SENP7: variants seen among roughly 807,000 people sequenced by gnomAD.
The protein encoded by SENP7 is sentrin-specific protease 7.
A neutral mutation model predicts 141.2 loss-of-function variants in SENP7; 64 were observed. The observed-to-expected ratio is 0.45, with a 90% CI of 0.37 to 0.56. The LOEUF (loss-of-function observed/expected upper bound fraction) is 0.56. Among genes scored for constraint, SENP7 ranks in the 20% least tolerant of loss-of-function variants. The pLI is 0.00. For synonymous variants in SENP7, 382 were observed against 426.4 expected, an observed-to-expected ratio of 0.90 and a Z score of 1.28; for missense variants, 1,025 against 1,212.2, an observed-to-expected ratio of 0.85 and a Z score of 2.29.
At chr3:101,489,263 T>C (rs143057883) in intron 3 of SENP7, among the ~76,000 whole-genome samples, 47 of 152,296 alleles carry the variant, frequency 3.1e-4, no homozygotes, top group African/African-American at 1.0e-3. Flanking sequence ...CAGTCAAGTC[T>C]ATACAACAAC....
In SENP7 at chr3:101,341,798, A is replaced by G. The variant is rs776825256; in HGVS notation, c.2107-19T>C. On this transcript the variant is annotated intron_variant, in intron 14 of 23. Transcript: ENST00000394095. Reference sequence around the variant, plus strand: ...TTGAGGGCTGACAGAAAGTGGCAAGAAAAAGGGTCTCAAACATCATAACTT... The same window carrying G: ...TTGAGGGCTGACAGAAAGTGGCAAGGAAAAGGGTCTCAAACATCATAACTT... The G allele has an allele frequency of 4.5e-6, 7 of 1,564,428 alleles. No homozygotes were observed. The highest frequency in any genetic ancestry group is 2.3e-5 in the East Asian group (1 of 43,990).
chr3:101,414,535 C>T (rs2061551835), intron 5 of SENP7: 8 of 1,596,710 alleles, frequency 5.0e-6, no homozygotes, highest in Non-Finnish European at 6.9e-6. Flanking sequence ...GAAGCAGCAG[C>T]TGGACGGTTG....
intron 4 of SENP7, among the ~76,000 whole-genome samples, chr3:101,449,867 T>A (rs978066602): frequency 1.8e-4 from 28 of 152,126 alleles, no homozygotes; most frequent in African/African-American, 6.0e-4. Context: ...CACATAACAA[T>A]ATTAACCTTA....
chr3:101,492,974 C>T (rs1220098196), intron 3 of SENP7, among the ~76,000 whole-genome samples: 1 of 152,162 alleles, frequency 6.6e-6, no homozygotes, highest in Non-Finnish European at 1.5e-5. Flanking sequence ...GTGAGCAACA[C>T]AGACCCTGAC....
At chr3:101,485,975 A>G (rs1458092158) in intron 3 of SENP7, among the ~76,000 whole-genome samples, 1 of 152,208 alleles carries the variant, frequency 6.6e-6, no homozygotes. Flanking sequence ...AATGCTCTGG[A>G]AAGTCTCAGC....
chr3:101,337,675 T>C lies in SENP7; in HGVS notation c.2358-44A>G, dbSNP rs1435835152. 3 of 1,452,774 alleles carry C rather than the reference T, an allele frequency of 2.1e-6. No homozygotes were observed. The African/African-American group carries it at 4.4e-5, about 21-fold the overall frequency. 90.0% of individuals were successfully genotyped at this position (1,452,774 alleles called of 1,614,324 possible). On this transcript the variant is annotated intron_variant, in intron 16 of 23. Coordinates refer to ENST00000394095, the MANE Select transcript of SENP7 (RefSeq NM_020654.5). ...ACAAAAGTAAATTATTTTTAGATTT[T>C]ACTTGGTCGTCCCCCAGTTGTCTTA...
At chr3:101,387,297 G>C (rs1012657283) in intron 6 of SENP7, among the ~76,000 whole-genome samples, 9 of 152,074 alleles carry the variant, frequency 5.9e-5, no homozygotes, top group Non-Finnish European at 1.2e-4. Context: ...TGAGAGGCCT[G>C]ACAATAGGCC....
chr3:101,441,348 G>A (rs1344723815), intron 4 of SENP7, among the ~76,000 whole-genome samples: 2 of 152,012 alleles, frequency 1.3e-5, no homozygotes, highest in African/African-American at 2.4e-5. Context: ...CCAAGGACAG[G>A]TGCACCCTGC....
chr3:101,394,113 C>T (rs1178162030), intron 6 of SENP7, among the ~76,000 whole-genome samples: 1 of 152,166 alleles, frequency 6.6e-6, no homozygotes, highest in African/African-American at 2.4e-5. Flanking sequence ...ACCACACATA[C>T]ACTTCCCAGC....
rs547676779 is a variant in SENP7 at position 101,435,083 on chromosome 3, G to A, written c.285-17293C>T. 5.3e-5 allele frequency among the ~76,000 whole-genome samples: 8 copies of A among 152,050 alleles called. No homozygotes were observed. The South Asian group carries it at 1.0e-3, about 20-fold the overall frequency. The stretch of plus-strand genomic sequence containing the variant: ...ACAGCTCATTCATCATAACCATGTG[G>A]GATTTATCCCTATGATGCAAAGATG... On this transcript the variant is annotated intron_variant, in intron 4 of 23. Transcript: ENST00000394095.
intron 1 of SENP7, among the ~76,000 whole-genome samples, chr3:101,505,978 A>G (rs1181484885): frequency 6.6e-6 from 1 of 152,036 alleles, no homozygotes; most frequent in African/African-American, 2.4e-5. Context: ...TCAAAAAACT[A>G]AAAGCATAAC....
chr3:101,376,307 C>G (rs553511737), intron 6 of SENP7, among the ~76,000 whole-genome samples: 15 of 152,134 alleles, frequency 9.9e-5, no homozygotes, highest in South Asian at 2.1e-4. Flanking sequence ...TGTGACTGTA[C>G]TTAATGGCAG....
At chr3:101,506,020 A>ATTTTT (rs61021808) in intron 1 of SENP7, among the ~76,000 whole-genome samples, 6 of 141,198 alleles carry the variant, frequency 4.2e-5, no homozygotes, top group Non-Finnish European at 6.1e-5. Flanking sequence ...TTATTCCATA[A>ATTTTT]TTTTTTTTTT....
At chr3:101,483,659 G>C (rs1365663418) in intron 3 of SENP7, among the ~76,000 whole-genome samples, 1 of 152,164 alleles carries the variant, frequency 6.6e-6, no homozygotes, top group Admixed American at 6.5e-5. Flanking sequence ...AACAAACTGT[G>C]CTAGAGCAAC....
At chr3:101,452,057 T>C (rs2063159624) in intron 4 of SENP7, among the ~76,000 whole-genome samples, 1 of 152,232 alleles carries the variant, frequency 6.6e-6, no homozygotes, top group South Asian at 2.1e-4. Flanking sequence ...ACAAGCATTC[T>C]TATACACCAA....
rs143244120 is a variant in SENP7 at position 101,478,214 on chromosome 3, C to T, written c.186+15659G>A. Among the ~76,000 whole-genome samples the T allele has an allele frequency of 9.6e-3, 1,463 of 152,144 alleles. 9 individuals carry two copies. The highest frequency in any genetic ancestry group is 0.037 in the Middle Eastern group (11 of 294). ...ACAGAAACCCTAAACAACCCAATAA[C>T]AAATAACAAGACTGAGTGAGTAGGC... On this transcript the variant is annotated intron_variant, in intron 3 of 23. Coordinates refer to ENST00000394095, the MANE Select transcript of SENP7 (RefSeq NM_020654.5).
At chr3:101,513,015 C>A in intron 1 of SENP7, 76 bp downstream of exon 1, 1 of 1,544,708 alleles carries the variant, frequency 6.5e-7, no homozygotes, top group South Asian at 1.1e-5. Flanking sequence ...GGGCCGCAAC[C>A]CCAGCTGCCG....
intron 19 of SENP7, among the ~76,000 whole-genome samples, chr3:101,331,288 TG>T (rs944285864): frequency 1.3e-5 from 2 of 151,906 alleles, no homozygotes; most frequent in African/African-American, 4.8e-5. Flanking sequence ...CAGACCCACC[TG>T]GGCAACATAG....
chr3:101,353,048 T>A (rs1217381200), intron 11 of SENP7, among the ~76,000 whole-genome samples: 1 of 151,956 alleles, frequency 6.6e-6, no homozygotes, highest in Non-Finnish European at 1.5e-5. Flanking sequence ...TTTAGTAAGA[T>A]CCTTAATCAA....
Sources: allele counts gnomAD v4.1 joint callset (sites outside exome capture counted in the v4.1 genomes callset), GRCh38; gene constraint gnomAD v4.1.1; transcripts MANE v1.5; gene names NCBI Gene and HGNC (gene_info 2026-07-23, HGNC 2026-07-21).